Variants in DCUN1D5 observed in about 807,000 individuals in gnomAD.
The protein encoded by DCUN1D5 is DCN1-like protein 5.
Under a neutral mutation model 38.3 loss-of-function variants are expected in DCUN1D5, and 10 were observed. The observed-to-expected ratio is 0.26, with a 90% confidence interval of 0.16 to 0.44. DCUN1D5 has a LOEUF of 0.44. Among genes scored for constraint, DCUN1D5 ranks in the 20% least tolerant of loss-of-function variants. The pLI is 1.00. For missense variants in DCUN1D5, 148 were observed against 275.3 expected (o/e 0.54, Z 3.27); for synonymous variants, 93 against 90.9 (o/e 1.02, Z -0.13).
At chr11:103,089,463 T>C in intron 1 of DCUN1D5, 145 bp from the exon 2 acceptor site, 1 of 666,024 alleles carries the variant, frequency 1.5e-6, no homozygotes, top group Non-Finnish European at 2.4e-6. Flanking sequence ...ACTGAAGTTG[T>C]TAAGTAATTG....
In DCUN1D5 at chr11:103,060,930, G is replaced by T. The variant is rs1240658722; in HGVS notation, c.*1429C>A. Among the ~76,000 whole-genome samples, 1 of 152,060 alleles carries T rather than the reference G, an allele frequency of 6.6e-6. No homozygotes were observed. Among genetic ancestry groups the T allele is most frequent in the African/African-American group, 2.4e-5 (1 of 41,404 alleles). Reference sequence around the variant, plus strand: ...AACTCAGTGATTCTAATACTTAAGAGGAGCATTCTGTATTATCCTTTTCTA... The same window carrying T: ...AACTCAGTGATTCTAATACTTAAGATGAGCATTCTGTATTATCCTTTTCTA... On this transcript the variant is annotated 3_prime_UTR_variant, in exon 8 of 8. Coordinates refer to ENST00000260247, the MANE Select transcript of DCUN1D5 (RefSeq NM_032299.4).
Position 103,058,878 on chromosome 11 carries a change from A to C in DCUN1D5, c.*3481T>G. Among the ~76,000 whole-genome samples the C allele has an allele frequency of 6.6e-6, 1 of 150,690 alleles. No individual in the cohort carries two copies. Among genetic ancestry groups the C allele is most frequent in the East Asian group, 2.0e-4 (1 of 5,080 alleles). ...GAGGTAAGAATTCTTCTTTAGGAGT[A>C]AGACTTTTGGGTTTTTTTGGGGGGG... is the stretch of plus-strand genomic sequence containing the variant. On this transcript the variant is annotated 3_prime_UTR_variant, in exon 8 of 8. Transcript: ENST00000260247.
chr11:103,081,338 T>C (rs1862560157), intron 4 of DCUN1D5, among the ~76,000 whole-genome samples: 2 of 152,206 alleles, frequency 1.3e-5, no homozygotes, highest in East Asian at 3.8e-4. Context: ...CTGAGTTGTA[T>C]AAAACCTATA....
rs2134635939 is a variant in DCUN1D5 at position 103,086,639 on chromosome 11, T to C, written c.178+2588A>G. 6.6e-6 allele frequency among the ~76,000 whole-genome samples: 1 copy of C among 152,284 alleles called. No homozygotes were observed. The highest frequency in any genetic ancestry group is 1.9e-4 in the East Asian group (1 of 5,186). On this transcript the variant is annotated intron_variant, in intron 2 of 7. Transcript: ENST00000260247. This position sits in a 1 kb window ranked among gnomAD's most constrained non-coding sequence, Gnocchi z 4.1. ...CTTGCCTACATACCTGTTTACTGAC[T>C]GTCTTCCTCACCAGAAGGCAAGTCC... is the stretch of plus-strand genomic sequence containing the variant.
chr11:103,062,013 T>G lies in DCUN1D5; in HGVS notation c.*346A>C, dbSNP rs1471980892. The G allele has an allele frequency of 1.4e-5, 3 of 207,558 alleles. No individual in the cohort carries two copies. The highest frequency in any genetic ancestry group is 2.9e-5 in the Non-Finnish European group (3 of 104,928). The allele number at this position is 207,558 out of a possible 1,614,324, so 12.9% of individuals were successfully genotyped here. On this transcript the variant is annotated 3_prime_UTR_variant, in exon 8 of 8. Coordinates refer to ENST00000260247, the MANE Select transcript of DCUN1D5 (RefSeq NM_032299.4). This position sits in a 1 kb window ranked among gnomAD's most constrained non-coding sequence, Gnocchi z 4.6. ...TGTAAATTCACGGTGAATTGGAACC[T>G]CAAAAATCAAAAAATTCAAATTTAC...
chr11:103,074,441 G>A (rs908939810), intron 4 of DCUN1D5, among the ~76,000 whole-genome samples: 1 of 151,956 alleles, frequency 6.6e-6, no homozygotes, highest in Non-Finnish European at 1.5e-5. Flanking sequence ...ATTGAGTCTC[G>A]CTCTGTCCCC....
At chr11:103,085,180 C>T (rs1376494829) in intron 2 of DCUN1D5, among the ~76,000 whole-genome samples, 1 of 152,156 alleles carries the variant, frequency 6.6e-6, no homozygotes, top group Non-Finnish European at 1.5e-5. Flanking sequence ...TGGCTCACGC[C>T]TGTAATCTCA....
In DCUN1D5 at chr11:103,062,459, C is replaced by T; in HGVS notation, c.659-45G>A. 7 of 1,555,490 alleles carry T rather than the reference C, an allele frequency of 4.5e-6. No homozygotes were observed. Among genetic ancestry groups the T allele is most frequent in the Non-Finnish European group, 5.3e-6 (6 of 1,131,442 alleles). On this transcript the variant is annotated intron_variant, in intron 7 of 7. Transcript: ENST00000260247. This position sits in a 1 kb window ranked among gnomAD's most constrained non-coding sequence, Gnocchi z 4.6. ...TTTTGTCAGAATTCAGTGAACTCAT[C>T]TCTCCAATTATAAAACAAACTCCCC...
rs1204428710 is a variant in DCUN1D5 at position 103,052,255 on chromosome 11, A to G, written c.*10104T>C. 1.3e-5 allele frequency: 2 copies of G among 152,186 alleles called. No individual in the cohort carries two copies. Among genetic ancestry groups the G allele is most frequent in the African/African-American group, 4.8e-5 (2 of 41,444 alleles). 9.4% of individuals were successfully genotyped at this position (152,186 alleles called of 1,614,324 possible). On this transcript the variant is annotated 3_prime_UTR_variant, in exon 8 of 8. Coordinates refer to ENST00000260247, the MANE Select transcript of DCUN1D5 (RefSeq NM_032299.4). ...CAGTCTAATGGGAATGTGGATATGT[A>G]AACGTTTTACAGACATATGTGTACA...
chr11:103,080,076 CATG>C (rs1413790572), intron 4 of DCUN1D5: 3 of 152,108 alleles, frequency 2.0e-5, no homozygotes, highest in Non-Finnish European at 2.9e-5. Flanking sequence ...GATGACTAAT[CATG>C]ATTATTACAG....
chr11:103,072,772 A>AG (rs1862311693), intron 4 of DCUN1D5, among the ~76,000 whole-genome samples: 1 of 17,688 alleles, frequency 5.7e-5, no homozygotes, highest in Non-Finnish European at 9.6e-5. Context: ...GGGTGGGGGG[A>AG]GGGGGGAGGG....
intron 4 of DCUN1D5, among the ~76,000 whole-genome samples, chr11:103,079,008 G>A (rs1862481410): frequency 6.6e-6 from 1 of 152,210 alleles, no homozygotes; most frequent in Non-Finnish European, 1.5e-5. Context: ...CCTGTGGCCT[G>A]TTAGAAACCA....
rs1296104251 is a variant in DCUN1D5, at chr11:103,054,335, A to C, written c.*8024T>G. On this transcript the variant is annotated 3_prime_UTR_variant, in exon 8 of 8. Coordinates refer to ENST00000260247, the MANE Select transcript of DCUN1D5 (RefSeq NM_032299.4). ...TGTTAATAGGAAAAGCATCTCTCTA[A>C]GGGTAAAAATGTGAAAATAAGTTTT... 1 of 152,110 alleles carries C rather than the reference A, an allele frequency of 6.6e-6. No individual in the cohort carries two copies. Among genetic ancestry groups the C allele is most frequent in the Non-Finnish European group, 1.5e-5 (1 of 67,992 alleles). The allele number at this position is 152,110 out of a possible 1,614,324, so 9.4% of individuals were successfully genotyped here.
In DCUN1D5 at chr11:103,091,993, C is replaced by A; in HGVS notation, c.-121G>T. ...AGCAGCAAGCGGAGGAGCAGAGTCG[C>A]CAGCCCGCACCGGCGCGGCCCAGCC... On this transcript the variant is annotated 5_prime_UTR_variant, in exon 1 of 8. Transcript: ENST00000260247. The surrounding 1 kb of genome is among the most constrained non-coding windows in gnomAD (Gnocchi z 4.3). 1 of 901,048 alleles carries A rather than the reference C, an allele frequency of 1.1e-6. No individual in the cohort carries two copies. Among genetic ancestry groups the A allele is most frequent in the Non-Finnish European group, 1.6e-6 (1 of 612,138 alleles). The allele number at this position is 901,048 out of a possible 1,614,324, so 55.8% of individuals were successfully genotyped here.
In DCUN1D5 at chr11:103,089,264, T is replaced by C; in HGVS notation, c.141A>G (p.Ser47=). 1 of 1,613,436 alleles carries C rather than the reference T, an allele frequency of 6.2e-7. No homozygotes were observed. Among genetic ancestry groups the C allele is most frequent in the South Asian group, 1.1e-5 (1 of 91,050 alleles). The change falls in exon 2 of 8, where the codon TCA becomes TCG. Residue 47 remains serine (S), a synonymous_variant. Coordinates refer to ENST00000260247, the MANE Select transcript of DCUN1D5 (RefSeq NM_032299.4). ...AAAACCAAGCCAGGCACTTCTTGCT[T>C]GAAAAATGTTCCTCTCCACTTATTA... is the stretch of plus-strand genomic sequence containing the variant. ...ARLISGEEHF[S]SKKCLAWFYE...
Position 103,068,875 on chromosome 11 carries a change from G to A in DCUN1D5, c.342-2308C>T, listed in dbSNP as rs374048846. Among the ~76,000 whole-genome samples the A allele has an allele frequency of 9.9e-5, 15 of 151,840 alleles. No homozygotes were observed. In the South Asian group the frequency reaches 2.9e-3, roughly 29 times the overall value. ...AAGATCTTACAGTTCAAAAATACAT[G>A]CATATTTTTGCTTTCAGTATTTACT... On this transcript the variant is annotated intron_variant, in intron 4 of 7. Transcript: ENST00000260247.
In DCUN1D5 at chr11:103,091,624, C is replaced by T. The variant is rs1445211299; in HGVS notation, c.86+163G>A. Reference sequence around the variant, plus strand: ...CACACACTCGAACACGAGGTCGGGTCGGGCGCGGAGACTCGCGGTGTTCGG... The same window carrying T: ...CACACACTCGAACACGAGGTCGGGTTGGGCGCGGAGACTCGCGGTGTTCGG... On this transcript the variant is annotated intron_variant, in intron 1 of 7. Coordinates refer to ENST00000260247, the MANE Select transcript of DCUN1D5 (RefSeq NM_032299.4). This position sits in a 1 kb window ranked among gnomAD's most constrained non-coding sequence, Gnocchi z 4.3. 7.7e-6 allele frequency: 10 copies of T among 1,300,528 alleles called. No individual in the cohort carries two copies. Among genetic ancestry groups the T allele is most frequent in the Non-Finnish European group, 1.1e-5 (10 of 932,110 alleles). The allele number at this position is 1,300,528 out of a possible 1,614,324, so 80.6% of individuals were successfully genotyped here. A position where few individuals can be genotyped will look rare whatever the true frequency, so the allele number is the denominator to read the frequency against.
In DCUN1D5 at chr11:103,060,387, G is replaced by A. The variant is rs1861983619; in HGVS notation, c.*1972C>T. Among the ~76,000 whole-genome samples, 1 of 152,124 alleles carries A rather than the reference G, an allele frequency of 6.6e-6. No homozygotes were observed. The highest frequency in any genetic ancestry group is 2.1e-4 in the South Asian group (1 of 4,832). ...TGAACAGCATGAGTTTGAACTGTGT[G>A]GGTCTGCTTATACGCAGATTTTTTT... On this transcript the variant is annotated 3_prime_UTR_variant, in exon 8 of 8. Transcript: ENST00000260247.
At position 103,066,468 on chromosome 11, in the gene DCUN1D5, A is replaced by G. The variant is rs1229630378; in HGVS notation, c.441T>C (p.Asp147=). The stretch of plus-strand genomic sequence containing the variant: ...AGAAAATTGCACCTACCCTTGCAAA[A>G]TCAAAGGCATATCTGTAGATATTCT... ...SFKNIYRYAF[D]FARDKDQRSL... Residue 147 remains aspartate (D), a synonymous_variant, in exon 5 of 8, where the codon GAT becomes GAC. Coordinates refer to ENST00000260247, the MANE Select transcript of DCUN1D5 (RefSeq NM_032299.4). The surrounding 1 kb of genome is among the most constrained non-coding windows in gnomAD (Gnocchi z 4.7). 3 of 1,606,508 alleles carry G rather than the reference A, an allele frequency of 1.9e-6. No individual in the cohort carries two copies. Among genetic ancestry groups the G allele is most frequent in the Non-Finnish European group, 1.7e-6 (2 of 1,175,314 alleles).
Sources: gnomAD v4.1 joint callset for allele counts (sites outside exome capture counted in the v4.1 genomes callset) on GRCh38, gnomAD v4.1.1 for gene constraint, Gnocchi (gnomAD v3.1) non-coding constraint, MANE v1.5 for transcripts, NCBI Gene and HGNC (gene_info 2026-07-23, HGNC 2026-07-21) for gene names.